The following NBPF14 variants were observed in gnomAD, a reference collection of about 807,000 sequenced individuals.
NBPF14 encodes NBPF family member NBPF14.
In NBPF14, 104 loss-of-function variants were observed where a neutral mutation model predicts 91.2. That is an observed-to-expected ratio of 1.14 (90% CI 0.97 to 1.34). NBPF14 has a LOEUF of 1.34. Ranked by LOEUF, NBPF14 falls within the 40% of genes most tolerant of loss-of-function variation. NBPF14 has a pLI of 0.00. For missense variants in NBPF14, 908 were observed against 783.0 expected (o/e 1.16, Z -1.91); for synonymous variants, 294 against 303.8 (o/e 0.97, Z 0.34).
intron 58 of NBPF14, among the ~76,000 whole-genome samples, chr1:148,542,959 CACAG>C (rs1263790444): frequency 0.13 from 2,374 of 18,478 alleles, 6 homozygotes; most frequent in East Asian, 0.22. Flanking sequence ...CACACACACA[CACAG>C]AGAGAGAGAG....
chr1:148,568,992 A>T (rs1458354065), intron 25 of NBPF14, among the ~76,000 whole-genome samples: 1 of 139,846 alleles, frequency 7.2e-6, no homozygotes, highest in Non-Finnish European at 1.6e-5. Context: ...TGAATTTGTC[A>T]CATCTGCCCA....
chr1:148,580,196 C>A (rs1660700919), intron 12 of NBPF14, among the ~76,000 whole-genome samples: 1 of 142,916 alleles, frequency 7.0e-6, no homozygotes, highest in East Asian at 2.0e-4. Context: ...AAGCTAAAAA[C>A]CTTGAAAAAA....
intron 70 of NBPF14, among the ~76,000 whole-genome samples, chr1:148,533,622 T>G (rs1291795590): frequency 6.8e-6 from 1 of 147,124 alleles, no homozygotes; most frequent in African/African-American, 2.6e-5. Context: ...CAAAATTCGA[T>G]GCAGTGGCCA....
At chr1:148,593,067 C>G (rs1470762335) in intron 3 of NBPF14, among the ~76,000 whole-genome samples, 3 of 147,020 alleles carry the variant, frequency 2.0e-5, no homozygotes, top group Non-Finnish European at 3.0e-5. Context: ...GTTCCTCACT[C>G]TGGCCATGGA....
In NBPF14 at chr1:148,587,250, T is replaced by G. The variant is rs1661700664; in HGVS notation, c.1091+51A>C. ...CGTCTCCCCACTGAGCTGCTGTACT[T>G]CAGAGATTTACACACCTGCCCCCCT... On this transcript the variant is annotated intron_variant, in intron 8 of 70. Coordinates refer to ENST00000619423, the Ensembl canonical transcript of NBPF14. 9.8e-5 allele frequency: 144 copies of G among 1,465,072 alleles called. 8 individuals carry two copies. The South Asian group carries it at 1.6e-3, about 16-fold the overall frequency. 90.8% of individuals were successfully genotyped at this position (1,465,072 alleles called of 1,614,324 possible).
intron 8 of NBPF14, among the ~76,000 whole-genome samples, chr1:148,586,942 C>A (rs1420187683): frequency 6.9e-6 from 1 of 144,982 alleles, no homozygotes; most frequent in Admixed American, 6.9e-5. Context: ...GAATGAGAAG[C>A]CGCAGTCAGT....
At position 148,534,598 on chromosome 1, in the gene NBPF14, G is replaced by A. The variant is rs1473579568; in HGVS notation, c.8614+86C>T. 8 of 890,550 alleles carry A rather than the reference G, an allele frequency of 9.0e-6. 1 individual carries two copies. The highest frequency in any genetic ancestry group is 6.9e-5 in the Admixed American group (4 of 58,380). 55.2% of individuals were successfully genotyped at this position (890,550 alleles called of 1,614,324 possible). On this transcript the variant is annotated intron_variant, in intron 69 of 70. Coordinates refer to ENST00000619423, the Ensembl canonical transcript of NBPF14. ...TGCCTGCGGCAATGACATCTCTCGG[G>A]TGAGTAAGGGCCACTTGGAATAGGA...
intron 3 of NBPF14, among the ~76,000 whole-genome samples, chr1:148,593,340 G>C (rs1379119633): frequency 2.7e-5 from 4 of 148,542 alleles, no homozygotes; most frequent in Non-Finnish European, 4.5e-5. Flanking sequence ...CCACTCCTTT[G>C]GTGAATTTTG....
At chr1:148,592,686 G>C in exon 4 of NBPF14, 3 of 1,588,698 alleles carry the variant, frequency 1.9e-6, no homozygotes, top group East Asian at 4.5e-5. Context: ...CAATGAGCGG[G>C]AGGCATCTCT....
rs1372910590 is a variant in NBPF14 at position 148,542,020 on chromosome 1, C to A, written c.7376-181G>T. Among the ~76,000 whole-genome samples the A allele has an allele frequency of 6.6e-5, 3 of 45,136 alleles. 1 individual carries two copies. The highest frequency in any genetic ancestry group is 6.4e-4 in the African/African-American group (2 of 3,116). The allele number at this position is 45,136 out of a possible 152,430, so 29.6% of individuals were successfully genotyped here. On this transcript the variant is annotated intron_variant, in intron 59 of 70. Coordinates refer to ENST00000619423, the Ensembl canonical transcript of NBPF14. ...GATAGAAATTCCTCGGTTTTTCTCC[C>A]AGAAACTGTGGGTAAAATGTCCCTA...
chr1:148,589,757 G>C (rs1292785567), intron 6 of NBPF14, among the ~76,000 whole-genome samples: 1 of 145,100 alleles, frequency 6.9e-6, no homozygotes, highest in African/African-American at 2.5e-5. Flanking sequence ...GTTTGAGACG[G>C]AGTCTCACTC....
At chr1:148,561,776 G>GACACAC in intron 34 of NBPF14, among the ~76,000 whole-genome samples, 197 bp from the exon 35 acceptor site, 1 of 114,346 alleles carries the variant, frequency 8.7e-6, no homozygotes, top group South Asian at 3.0e-4. Context: ...AAGACAGATA[G>GACACAC]ACACACACAC....
In NBPF14 at chr1:148,578,882, T is replaced by G. The variant is rs1421930396; in HGVS notation, c.1801+192A>C. 5.8e-3 allele frequency among the ~76,000 whole-genome samples: 845 copies of G among 145,494 alleles called. 1 individual carries two copies. The highest frequency in any genetic ancestry group is 0.02 in the African/African-American group (799 of 39,850). ...GCATGGCCTGAGACTAGGAAGAGAG[T>G]AAAGCTCACTGACCCACCCCATGCC... On this transcript the variant is annotated intron_variant, in intron 13 of 70. Transcript: ENST00000619423.
At position 148,569,303 on chromosome 1, in the gene NBPF14, AG is replaced by A; in HGVS notation, c.3216del (p.Tyr1074MetfsTer67). ...ACACGCTGTTGCTCCAATACATAAA[AG>A]GCACTTCTGTAGGGCTGGCATGAGT... On this transcript the variant is annotated frameshift_variant, in exon 25 of 71. Transcript: ENST00000619423. LOFTEE classifies it high-confidence loss of function. The A allele has an allele frequency of 2.4e-6, 1 of 410,758 alleles. No homozygotes were observed. Among genetic ancestry groups the A allele is most frequent in the East Asian group, 4.4e-5 (1 of 22,578 alleles). 25.4% of individuals were successfully genotyped at this position (410,758 alleles called of 1,614,324 possible). A position where few individuals can be genotyped will look rare whatever the true frequency, so the allele number is the denominator to read the frequency against.
At chr1:148,534,900 G>A (rs782228708) in intron 68 of NBPF14, 44 bp from the exon 69 acceptor site, 81 of 717,510 alleles carry the variant, frequency 1.1e-4, no homozygotes, top group Non-Finnish European at 1.7e-4. Context: ...GGGGGAATCA[G>A]AAACCACACA....
intron 63 of NBPF14, among the ~76,000 whole-genome samples, chr1:148,539,035 C>T (rs1655447691): frequency 6.3e-5 from 1 of 15,988 alleles, no homozygotes; most frequent in Non-Finnish European, 1.2e-4. Flanking sequence ...AGCCCTGTCT[C>T]ATCAAATGCC....
Position 148,576,057 on chromosome 1 carries a change from T to A in NBPF14, c.2079-246A>T, listed in dbSNP as rs1398082762. ...AAGTGAGCTCAGCGAATTGGCCGGG[T>A]GACACACTGATGAAGGGGTTAAAGG... On this transcript the variant is annotated intron_variant, in intron 16 of 70. Coordinates refer to ENST00000619423, the Ensembl canonical transcript of NBPF14. Among the ~76,000 whole-genome samples, 44 of 144,614 alleles carry A rather than the reference T, an allele frequency of 3.0e-4. 3 individuals are homozygous for A. The highest frequency in any genetic ancestry group is 5.0e-4 in the Non-Finnish European group (33 of 65,896). The allele number at this position is 144,614 out of a possible 152,430, so 94.9% of individuals were successfully genotyped here.
chr1:148,566,548 C>T (rs1224273831), intron 28 of NBPF14, among the ~76,000 whole-genome samples: 2 of 143,826 alleles, frequency 1.4e-5, no homozygotes, highest in Non-Finnish European at 3.1e-5. Context: ...CACAAACACA[C>T]ACACACACAC....
chr1:148,534,714 G>C (rs1444434330), exon 69 of NBPF14: 11 of 840,568 alleles, frequency 1.3e-5, no homozygotes, highest in Non-Finnish European at 1.9e-5. Context: ...CCAAGGTACT[G>C]TTCCTCCAAT....
Sources: gnomAD v4.1 joint callset for allele counts (sites outside exome capture counted in the v4.1 genomes callset) on GRCh38, gnomAD v4.1.1 for gene constraint, MANE v1.5 for transcripts, NCBI Gene and HGNC (gene_info 2026-07-23, HGNC 2026-07-21) for gene names.